The following TMEM117 variants were observed in gnomAD, a reference collection of about 807,000 sequenced individuals.
The protein encoded by TMEM117 is transmembrane protein 117.
In TMEM117, 27 loss-of-function variants were observed where a neutral mutation model predicts 52.4. The observed-to-expected ratio is 0.51, with a 90% CI of 0.38 to 0.71. The LOEUF (loss-of-function observed/expected upper bound fraction) is 0.71, where lower values mean the gene tolerates loss of function less well. Ranked by LOEUF, TMEM117 falls within the 30% of genes least tolerant of loss-of-function variation. The probability of loss-of-function intolerance (pLI) is 0.00; values close to 1 mark genes in which losing one functional copy is unlikely to be tolerated. For missense variants in TMEM117, 556 were observed against 630.5 expected (o/e 0.88, Z 1.26); for synonymous variants, 215 against 206.3 (o/e 1.04, Z -0.36).
intron 6 of TMEM117, among the ~76,000 whole-genome samples, chr12:44,322,395 C>T (rs138933417): frequency 1.7e-4 from 26 of 152,296 alleles, no homozygotes; most frequent in African/African-American, 6.3e-4. Context: ...TATACACCCT[C>T]TCTGTTTTCT....
chr12:43,998,812 A>G (rs562694957), intron 3 of TMEM117, among the ~76,000 whole-genome samples: 1 of 152,242 alleles, frequency 6.6e-6, no homozygotes, highest in African/African-American at 2.4e-5. Context: ...AGATATTTGC[A>G]GTATATGTAT....
chr12:44,208,593 A>C (rs17094231), intron 4 of TMEM117, among the ~76,000 whole-genome samples: 33,816 of 151,988 alleles, frequency 0.22, 6,651 homozygotes, highest in African/African-American at 0.54. Flanking sequence ...TGGAATGCAT[A>C]CCTTTAATGA....
At chr12:43,991,422 C>G (rs1945937048) in intron 3 of TMEM117, among the ~76,000 whole-genome samples, 1 of 144,064 alleles carries the variant, frequency 6.9e-6, no homozygotes, top group Non-Finnish European at 1.5e-5. Flanking sequence ...ATAACCAATC[C>G]ACAAATATTT....
Position 44,116,110 on chromosome 12 carries a change from T to G in TMEM117, c.411-27415T>G, listed in dbSNP as rs757517189. Among the ~76,000 whole-genome samples the G allele has an allele frequency of 6.6e-4, 100 of 152,236 alleles. 1 individual carries two copies. The highest frequency in any genetic ancestry group is 2.9e-3 in the Admixed American group (44 of 15,278). The stretch of plus-strand genomic sequence containing the variant: ...CTGAAGTCAATAATCATCTACATGT[T>G]AAATTTAACAGATATATTTCAATTC... On this transcript the variant is annotated intron_variant, in intron 3 of 7. Transcript: ENST00000266534.
At chr12:44,393,899 A>G (rs976393595), downstream of TMEM117, among the ~76,000 whole-genome samples, 7 of 152,206 alleles carry the variant, frequency 4.6e-5, no homozygotes, top group African/African-American at 1.7e-4. Flanking sequence ...ATTTGTCTCA[A>G]TACAATTCCT....
intron 3 of TMEM117, among the ~76,000 whole-genome samples, chr12:44,011,238 T>C (rs73087657): frequency 0.056 from 8,545 of 152,240 alleles, 354 homozygotes; most frequent in Middle Eastern, 0.11. Context: ...AGGGGATACA[T>C]TCTAAGACTT....
chr12:44,050,339 G>A (rs561844027), intron 3 of TMEM117, among the ~76,000 whole-genome samples: 1 of 152,252 alleles, frequency 6.6e-6, no homozygotes, highest in African/African-American at 2.4e-5. Flanking sequence ...ACCACGCCTG[G>A]CTAATTTTTG....
intron 5 of TMEM117, among the ~76,000 whole-genome samples, chr12:44,264,550 A>G (rs1469964192): frequency 6.6e-6 from 1 of 152,180 alleles, no homozygotes; most frequent in African/African-American, 2.4e-5. Context: ...CTCTTAGGGA[A>G]GGGATAAGGA....
chr12:44,388,874 A>G lies in TMEM117; in HGVS notation c.*202A>G. On this transcript the variant is annotated 3_prime_UTR_variant, in exon 8 of 8. Coordinates refer to ENST00000266534, the MANE Select transcript of TMEM117 (RefSeq NM_032256.3). ...TACACGTGCCTACTGTATACTCAACAGTCCTCTAGAGATTGCTTTTCACAA... is the reference window on the plus strand; with the variant it reads ...TACACGTGCCTACTGTATACTCAACGGTCCTCTAGAGATTGCTTTTCACAA... 1.7e-6 allele frequency: 1 copy of G among 586,012 alleles called. No homozygotes were observed. Among genetic ancestry groups the G allele is most frequent in the Non-Finnish European group, 2.9e-6 (1 of 340,740 alleles). 36.3% of individuals were successfully genotyped at this position (586,012 alleles called of 1,614,324 possible).
chr12:43,840,748 G>C (rs899566248), intron 1 of TMEM117, among the ~76,000 whole-genome samples: 1 of 152,184 alleles, frequency 6.6e-6, no homozygotes, highest in African/African-American at 2.4e-5. Flanking sequence ...ACTATAGTGA[G>C]CCAGGAGCTA....
At chr12:43,967,984 AT>A (rs1374543656) in intron 3 of TMEM117, among the ~76,000 whole-genome samples, 4 of 152,152 alleles carry the variant, frequency 2.6e-5, no homozygotes, top group Non-Finnish European at 4.4e-5. Context: ...CTCTGCGCTG[AT>A]TTTATTTTTT....
chr12:43,952,901 C>T (rs115571909), intron 3 of TMEM117, among the ~76,000 whole-genome samples: 116 of 152,136 alleles, frequency 7.6e-4, no homozygotes, highest in African/African-American at 2.7e-3. Context: ...AGAAAAAAGC[C>T]AGGTCACCAA....
intron 6 of TMEM117, among the ~76,000 whole-genome samples, chr12:44,330,072 ATT>A (rs1211437249): frequency 2.0e-5 from 3 of 151,880 alleles, no homozygotes; most frequent in Non-Finnish European, 4.4e-5. Context: ...TCTATTTTTA[ATT>A]TTTTGAGGAA....
At chr12:44,120,248 T>TCAAA (rs1370863267) in intron 3 of TMEM117, among the ~76,000 whole-genome samples, 139 of 152,364 alleles carry the variant, frequency 9.1e-4, no homozygotes, top group Non-Finnish European at 1.9e-4. Flanking sequence ...GGCTGTCTTC[T>TCAAA]ATTCTTAATT....
chr12:44,311,487 G>A (rs933479878), intron 6 of TMEM117, among the ~76,000 whole-genome samples: 11 of 151,868 alleles, frequency 7.2e-5, no homozygotes, highest in Non-Finnish European at 1.6e-4. Flanking sequence ...GGTGGTGGGT[G>A]TAGATGCAAA....
chr12:44,219,727 A>G (rs1949763818), intron 5 of TMEM117, among the ~76,000 whole-genome samples: 1 of 152,182 alleles, frequency 6.6e-6, no homozygotes, highest in South Asian at 2.1e-4. Flanking sequence ...ACTAGAAGTA[A>G]TAAGATACTA....
chr12:44,298,170 A>G (rs1244595382), intron 5 of TMEM117, among the ~76,000 whole-genome samples: 1 of 150,682 alleles, frequency 6.6e-6, no homozygotes, highest in East Asian at 1.9e-4. Context: ...GTGAAAAGGA[A>G]AACCAAATTT....
At chr12:44,278,292 G>C (rs900929209) in intron 5 of TMEM117, among the ~76,000 whole-genome samples, 1 of 152,114 alleles carries the variant, frequency 6.6e-6, no homozygotes, top group African/African-American at 2.4e-5. Context: ...ATCATCTTAA[G>C]AGTTTTGCCT....
chr12:44,383,422 A>T (rs1473632764), intron 7 of TMEM117, among the ~76,000 whole-genome samples: 2 of 152,180 alleles, frequency 1.3e-5, no homozygotes, highest in African/African-American at 4.8e-5. Flanking sequence ...CCACAAAGTA[A>T]AAAGATAAAA....
Sources: allele counts gnomAD v4.1 joint callset (sites outside exome capture counted in the v4.1 genomes callset), GRCh38; gene constraint gnomAD v4.1.1; transcripts MANE v1.5; gene names NCBI Gene and HGNC (gene_info 2026-07-23, HGNC 2026-07-21).